The following ITIH3 variants were observed in gnomAD, a reference collection of about 807,000 sequenced individuals.
ITIH3 encodes inter-alpha-trypsin inhibitor heavy chain 3.
A neutral mutation model predicts 96.5 loss-of-function variants in ITIH3; 81 were observed. The ratio of observed to expected loss-of-function variants is 0.84; its 90% confidence interval spans 0.70 to 1.01. The LOEUF (loss-of-function observed/expected upper bound fraction) is 1.01, where lower values mean the gene tolerates loss of function less well. ITIH3 is among the 50% of genes least tolerant of loss of function. The probability of loss-of-function intolerance (pLI) is 0.00; values close to 1 mark genes in which losing one functional copy is unlikely to be tolerated. For missense variants in ITIH3, 1,057 were observed against 1,139.3 expected, an observed-to-expected ratio of 0.93 and a Z score of 1.04; for synonymous variants, 422 against 445.2, an observed-to-expected ratio of 0.95 and a Z score of 0.66.
rs1319418471 is a variant in ITIH3, at chr3:52,803,311, AT to A, written c.1709+509del. On this transcript the variant is annotated intron_variant, in intron 13 of 21. Transcript: ENST00000449956. Reference sequence around the variant, plus strand: ...ATTTATTTATTTATTTATTTATTTTATTTTATTATTATTATTTTTTTTTTTG... The same window carrying A: ...ATTTATTTATTTATTTATTTATTTTATTTATTATTATTATTTTTTTTTTTG... Among the ~76,000 whole-genome samples the A allele has an allele frequency of 2.7e-3, 344 of 125,682 alleles. 2 individuals are homozygous for A. Among genetic ancestry groups the A allele is most frequent in the African/African-American group, 0.014 (328 of 23,264 alleles). The allele number at this position is 125,682 out of a possible 152,430, so 82.5% of individuals were successfully genotyped here. A position where few individuals can be genotyped will look rare whatever the true frequency, so the allele number is the denominator to read the frequency against.
intron 17 of ITIH3, 58 bp downstream of exon 17, chr3:52,806,196 G>C: frequency 6.3e-7 from 1 of 1,597,558 alleles, no homozygotes; most frequent in East Asian, 2.3e-5. Flanking sequence ...GCTCCTGCCT[G>C]TCTCGGAGTC....
intron 14 of ITIH3, 181 bp downstream of exon 14, chr3:52,804,190 A>T: frequency 1.6e-6 from 1 of 637,006 alleles, no homozygotes; most frequent in Non-Finnish European, 2.7e-6. Context: ...CAGCATGGAC[A>T]GTGGGGTGTG....
At chr3:52,799,680 G>A in intron 8 of ITIH3, 73 bp from the exon 9 acceptor site, 1 of 1,460,880 alleles carries the variant, frequency 6.8e-7, no homozygotes, top group Non-Finnish European at 9.2e-7. Context: ...GGCGTGGGCT[G>A]CACCGCCTGC....
intron 7 of ITIH3, 107 bp from the exon 8 acceptor site, chr3:52,799,265 G>A: frequency 8.6e-7 from 1 of 1,164,874 alleles, no homozygotes; most frequent in Non-Finnish European, 1.2e-6. Flanking sequence ...GGTGGGATAG[G>A]AACGTCTTTT....
At position 52,808,231 on chromosome 3, in the gene ITIH3, C is replaced by T. The variant is rs769842204; in HGVS notation, c.2543+10C>T. The T allele has an allele frequency of 2.5e-6, 4 of 1,600,320 alleles. No individual in the cohort carries two copies. The highest frequency in any genetic ancestry group is 3.4e-6 in the Non-Finnish European group (4 of 1,167,564). On this transcript the variant is annotated intron_variant, in intron 21 of 21. Coordinates refer to ENST00000449956, the MANE Select transcript of ITIH3 (RefSeq NM_002217.4). ...AGCTGATTGTCACCAGGTGAGGAGA[C>T]TTCTCCCACACCCTCACCTGCTCAG...
At chr3:52,808,353 C>T in intron 21 of ITIH3, 132 bp downstream of exon 21, 2 of 1,042,752 alleles carry the variant, frequency 1.9e-6, no homozygotes, top group Non-Finnish European at 2.8e-6. Flanking sequence ...GAGGTCTTGG[C>T]CCCTCCCAGG....
chr3:52,796,245 G>A (rs373884897), intron 2 of ITIH3, among the ~76,000 whole-genome samples: 1 of 152,190 alleles, frequency 6.6e-6, no homozygotes, highest in Non-Finnish European at 1.5e-5. Context: ...CTGCAGTGGT[G>A]TGTAAACGGA....
At chr3:52,797,290 C>T in intron 5 of ITIH3, 23 bp downstream of exon 5, 1 of 1,585,062 alleles carries the variant, frequency 6.3e-7, no homozygotes, top group Non-Finnish European at 8.6e-7. Context: ...CCCTGCAGAC[C>T]TGGGGGGACG....
At chr3:52,800,233 T>C (rs1699771713) in intron 9 of ITIH3, among the ~76,000 whole-genome samples, 1 of 152,212 alleles carries the variant, frequency 6.6e-6, no homozygotes, top group African/African-American at 2.4e-5. Context: ...ATGTCTACAC[T>C]GCTCCCCTCT....
rs755304770 is a variant in ITIH3 at position 52,801,060 on chromosome 3, T to C, written c.1297T>C (p.Tyr433His). Reference sequence around the variant, plus strand: ...CCTGGGCTTTGGCAACAATCTGAATTATAACTTCCTGGAGAACATGGCCCT... The same window carrying C: ...CCTGGGCTTTGGCAACAATCTGAATCATAACTTCCTGGAGAACATGGCCCT... ...YNLGFGNNLNYNFLENMALEN... is the reference protein window; with the variant it reads ...YNLGFGNNLNHNFLENMALEN... The change falls in exon 11 of 22, where the codon TAT (tyrosine) becomes CAT (histidine). Residue 433 changes from tyrosine (Y) to histidine (H), a missense_variant. Physicochemically the swap from Tyr to His is moderately conservative, Grantham distance 83. Coordinates refer to ENST00000449956, the MANE Select transcript of ITIH3 (RefSeq NM_002217.4). 1.2e-6 allele frequency: 2 copies of C among 1,613,456 alleles called. No individual in the cohort carries two copies. The highest frequency in any genetic ancestry group is 1.7e-6 in the Non-Finnish European group (2 of 1,179,596).
chr3:52,804,827 C>A, intron 15 of ITIH3, 93 bp downstream of exon 15: 1 of 1,374,728 alleles, frequency 7.3e-7, no homozygotes, highest in Non-Finnish European at 1.0e-6. Flanking sequence ...GACCCCCAGC[C>A]ATGGGGGCAC....
chr3:52,795,194 G>A (rs1699527553), intron 1 of ITIH3, among the ~76,000 whole-genome samples: 1 of 152,246 alleles, frequency 6.6e-6, no homozygotes, highest in African/African-American at 2.4e-5. Flanking sequence ...TCTCAAACGA[G>A]TGTGACCTCT....
At chr3:52,794,952 T>A in intron 1 of ITIH3, 56 bp downstream of exon 1, 1 of 1,398,580 alleles carries the variant, frequency 7.2e-7, no homozygotes, top group Non-Finnish European at 1.0e-6. Flanking sequence ...GCAGAAGGCA[T>A]CATGCTGGGC....
Position 52,794,840 on chromosome 3 carries a change from C to G in ITIH3, c.37C>G (p.Leu13Val), listed in dbSNP as rs1699515529. The change falls in exon 1 of 22, where the codon CTG becomes GTG. Residue 13 changes from leucine to valine, a missense_variant. Transcript: ENST00000449956. ...ATGGTGGCCCTGTCTCATCTTGGCT[C>G]TGCTCTCCAGCTTGGCAGCCTCTGG... ...FAWWPCLILA[L>V]LSSLAASGFP... is the part of the protein sequence containing the mutation. 1.2e-6 allele frequency: 2 copies of G among 1,614,036 alleles called. No homozygotes were observed.
intron 1 of ITIH3, among the ~76,000 whole-genome samples, chr3:52,795,236 G>A (rs1206272312): frequency 6.6e-6 from 1 of 152,258 alleles, no homozygotes; most frequent in Non-Finnish European, 1.5e-5. Context: ...TGCGGGGTGT[G>A]GCGGGGGCAG....
In ITIH3 at chr3:52,808,691, C is replaced by T; in HGVS notation, c.*10C>T. On this transcript the variant is annotated 3_prime_UTR_variant, in exon 22 of 22. Transcript: ENST00000449956. ...CCCCAACCTGTTTTGAGTAGACACA[C>T]CAGCTCCTGTTGGGATGGATGGCCC... 6.3e-7 allele frequency: 1 copy of T among 1,598,170 alleles called. No individual in the cohort carries two copies. Among genetic ancestry groups the T allele is most frequent in the Non-Finnish European group, 8.6e-7 (1 of 1,166,522 alleles).
Position 52,808,654 on chromosome 3 carries a change from T to G in ITIH3, c.2646T>G (p.Thr882=), listed in dbSNP as rs768720242. 1.2e-6 allele frequency: 2 copies of G among 1,612,882 alleles called. No individual in the cohort carries two copies. Among genetic ancestry groups the G allele is most frequent in the South Asian group, 2.2e-5 (2 of 91,052 alleles). Residue 882 remains threonine, a synonymous_variant, in exon 22 of 22, where the codon ACT becomes ACG. Transcript: ENST00000449956. ...NGEGLIDGVH[T]DYIVPNLF ...AAGGGCTGATTGATGGTGTCCACAC[T>G]GACTACATTGTCCCCAACCTGTTTT...
chr3:52,801,096 G>A lies in ITIH3; in HGVS notation c.1333G>A (p.Gly445Arg). ...GGAGAACATGGCCCTGGAGAACCAT[G>A]GGTTTGCCCGGCGCATTTATGAGGA... ...FLENMALENH[G>R]FARRIYEDSD... The change falls in exon 11 of 22, where the codon GGG (glycine) becomes AGG (arginine). Residue 445 changes from glycine (G) to arginine (R), a missense_variant. By Grantham distance (125) the Gly-to-Arg change is moderately radical (BLOSUM62 -2). Transcript: ENST00000449956. The A allele has an allele frequency of 6.2e-7, 1 of 1,605,246 alleles. No individual in the cohort carries two copies. The highest frequency in any genetic ancestry group is 8.5e-7 in the Non-Finnish European group (1 of 1,175,636).
chr3:52,805,319 G>A lies in ITIH3; in HGVS notation c.1874-489G>A, dbSNP rs139333996. ...CACCTCCATTTGGACTGGCACATTT[G>A]GACTGGGCCATCACATTCCCCTCAG... On this transcript the variant is annotated intron_variant, in intron 15 of 21. Coordinates refer to ENST00000449956, the MANE Select transcript of ITIH3 (RefSeq NM_002217.4). 8.9e-6 allele frequency: 9 copies of A among 1,008,242 alleles called. No individual in the cohort carries two copies. In the African/African-American group the frequency reaches 1.6e-4, roughly 17 times the overall value. The allele number at this position is 1,008,242 out of a possible 1,614,324, so 62.5% of individuals were successfully genotyped here.
Sources: allele counts gnomAD v4.1 joint callset (sites outside exome capture counted in the v4.1 genomes callset), GRCh38; gene constraint gnomAD v4.1.1; transcripts MANE v1.5; gene names NCBI Gene and HGNC (gene_info 2026-07-23, HGNC 2026-07-21).